The following STOX2 variants were observed in gnomAD, a reference collection of about 807,000 sequenced individuals.
STOX2 encodes storkhead-box protein 2.
STOX2 carries 28 observed loss-of-function variants against 60.9 expected under a neutral mutation model. The ratio of observed to expected loss-of-function variants is 0.46; its 90% CI spans 0.34 to 0.63. The LOEUF is 0.63. STOX2 is among the 30% of genes least tolerant of loss of function. STOX2 has a pLI of 0.01. For synonymous variants in STOX2, 472 were observed against 463.9 expected, an observed-to-expected ratio of 1.02 and a Z score of -0.22; for missense variants, 1,024 against 1,187.7, an observed-to-expected ratio of 0.86 and a Z score of 2.03.
intron 1 of STOX2, among the ~76,000 whole-genome samples, chr4:183,808,847 T>C (rs984204371): frequency 1.3e-5 from 2 of 152,154 alleles, no homozygotes; most frequent in African/African-American, 4.8e-5. Flanking sequence ...AAGAATTGTC[T>C]TGGGCTACAC....
chr4:183,937,759 A>T (rs1742627771), intron 1 of STOX2, among the ~76,000 whole-genome samples: 1 of 152,212 alleles, frequency 6.6e-6, no homozygotes, highest in African/African-American at 2.4e-5. Context: ...TCAATAGATG[A>T]TGTACCATTA....
intron 1 of STOX2, among the ~76,000 whole-genome samples, chr4:183,876,992 C>T (rs1055828312): frequency 1.3e-5 from 2 of 152,096 alleles, no homozygotes; most frequent in African/African-American, 4.8e-5. Context: ...TGTGGCCCCT[C>T]TATAGGGCCA....
Position 184,009,761 on chromosome 4 carries a change from G to T in STOX2, c.923G>T (p.Arg308Leu), listed in dbSNP as rs766946457. Reference sequence around the variant, plus strand: ...GAGGACACGCCAGCTACGATCCCTCGGGAAGTAGAGATGGAAATCATTAGG... The same window carrying T: ...GAGGACACGCCAGCTACGATCCCTCTGGAAGTAGAGATGGAAATCATTAGG... ...RDEDTPATIP[R>L]EVEMEIIRRI... The change falls in exon 3 of 4, where the codon CGG (arginine) becomes CTG (leucine). Residue 308 changes from arginine to leucine, a missense_variant. By Grantham distance (102) the Arg-to-Leu change is moderately radical. Transcript: ENST00000308497. The surrounding 1 kb of genome is among the most constrained non-coding windows in gnomAD (Gnocchi z 4.0). 1 of 1,613,298 alleles carries T rather than the reference G, an allele frequency of 6.2e-7. No homozygotes were observed. Among genetic ancestry groups the T allele is most frequent in the Admixed American group, 1.7e-5 (1 of 59,954 alleles).
intron 1 of STOX2, among the ~76,000 whole-genome samples, chr4:183,969,169 T>C (rs1407798474): frequency 2.0e-5 from 3 of 152,230 alleles, no homozygotes; most frequent in Non-Finnish European, 4.4e-5. Context: ...TCTACTAATC[T>C]GAATAGATCA....
intron 1 of STOX2, among the ~76,000 whole-genome samples, chr4:183,846,734 T>C (rs1185223997): frequency 2.0e-5 from 3 of 152,206 alleles, no homozygotes; most frequent in African/African-American, 7.2e-5. Context: ...TTTAAAATCT[T>C]TGCCTAGTAA....
intron 1 of STOX2, among the ~76,000 whole-genome samples, chr4:183,922,451 A>G (rs77533379): frequency 6.6e-6 from 1 of 151,728 alleles, no homozygotes; most frequent in Non-Finnish European, 1.5e-5. Context: ...GGTTCAAGCA[A>G]TTCTCTGCCT....
chr4:183,876,267 A>C (rs946305266), intron 1 of STOX2, among the ~76,000 whole-genome samples: 4 of 152,182 alleles, frequency 2.6e-5, no homozygotes, highest in African/African-American at 4.8e-5. Context: ...TGACTTGGCC[A>C]GGTCCCAAGC....
In STOX2 at chr4:183,926,515, G is replaced by A. The variant is rs369696823; in HGVS notation, c.166+19559G>A. Reference sequence around the variant, plus strand: ...AAGAATTTGTGGTTGAACATTACTAGCTAATTAATGGCAGAGCTAGGATTC... The same window carrying A: ...AAGAATTTGTGGTTGAACATTACTAACTAATTAATGGCAGAGCTAGGATTC... On this transcript the variant is annotated intron_variant, in intron 1 of 3. Coordinates refer to ENST00000308497, the MANE Select transcript of STOX2 (RefSeq NM_020225.3). 3.3e-5 allele frequency among the ~76,000 whole-genome samples: 5 copies of A among 152,300 alleles called. No individual in the cohort carries two copies. The East Asian group carries it at 9.6e-4, about 29-fold the overall frequency.
At chr4:183,982,582 CTTTA>C (rs1732694994) in intron 1 of STOX2, among the ~76,000 whole-genome samples, 1 of 152,122 alleles carries the variant, frequency 6.6e-6, no homozygotes, top group Admixed American at 6.5e-5. Flanking sequence ...CTCCTCTTCC[CTTTA>C]TTTCTCAGTT....
chr4:183,882,412 T>A (rs1421523226), intron 1 of STOX2, among the ~76,000 whole-genome samples: 1 of 152,218 alleles, frequency 6.6e-6, no homozygotes, highest in Non-Finnish European at 1.5e-5. Flanking sequence ...CCTTCTCATT[T>A]CCCAGTGGGT....
Position 184,011,141 on chromosome 4 carries a change from A to G in STOX2, c.2303A>G (p.Glu768Gly). 1.9e-6 allele frequency: 3 copies of G among 1,575,874 alleles called. No individual in the cohort carries two copies. Among genetic ancestry groups the G allele is most frequent in the Non-Finnish European group, 2.6e-6 (3 of 1,163,836 alleles). The change falls in exon 3 of 4, where the codon GAA (glutamate) becomes GGA (glycine). Residue 768 changes from glutamate to glycine, a missense_variant. Glu to Gly is a moderately conservative substitution (Grantham distance 98). Transcript: ENST00000308497. The surrounding 1 kb of genome is among the most constrained non-coding windows in gnomAD (Gnocchi z 4.4). ...CAGCAGGAGTCAGGAGGGAACCAGG[A>G]AGCCTCTTTTGACTATTACAACGTC... ...QRQQESGGNQ[E>G]ASFDYYNVSD...
intron 1 of STOX2, among the ~76,000 whole-genome samples, chr4:183,852,664 C>T (rs1342098334): frequency 6.6e-6 from 1 of 152,190 alleles, no homozygotes; most frequent in Non-Finnish European, 1.5e-5. Flanking sequence ...GCAGCATTCC[C>T]TTCAGCCATG....
At chr4:183,847,577 C>A (rs1740016535) in intron 1 of STOX2, among the ~76,000 whole-genome samples, 1 of 152,218 alleles carries the variant, frequency 6.6e-6, no homozygotes, top group Admixed American at 6.5e-5. Flanking sequence ...GATCTGCTCT[C>A]CTTCCAGCAC....
intron 1 of STOX2, among the ~76,000 whole-genome samples, chr4:183,835,398 G>T (rs559391090): frequency 1.3e-5 from 2 of 151,870 alleles, no homozygotes; most frequent in East Asian, 3.9e-4. Context: ...TAATTTTTTT[G>T]TATTTTTAGT....
At chr4:183,919,617 T>C (rs1394411522) in intron 1 of STOX2, among the ~76,000 whole-genome samples, 1 of 152,168 alleles carries the variant, frequency 6.6e-6, no homozygotes, top group Admixed American at 6.5e-5. Flanking sequence ...GTTATTGGGA[T>C]TGTTTTTTAA....
intron 1 of STOX2, among the ~76,000 whole-genome samples, chr4:183,993,797 C>T (rs542141281): frequency 3.3e-5 from 5 of 152,216 alleles, no homozygotes; most frequent in African/African-American, 9.6e-5. Context: ...TACAAACATT[C>T]GAAAGTCAAG....
At chr4:183,848,140 C>T (rs1740029332) in intron 1 of STOX2, among the ~76,000 whole-genome samples, 1 of 152,162 alleles carries the variant, frequency 6.6e-6, no homozygotes, top group African/African-American at 2.4e-5. Flanking sequence ...CATACTGGCC[C>T]ACACAAATAG....
At chr4:183,882,393 C>G (rs1421499806) in intron 1 of STOX2, among the ~76,000 whole-genome samples, 1 of 152,196 alleles carries the variant, frequency 6.6e-6, no homozygotes, top group Non-Finnish European at 1.5e-5. Context: ...ATTTCCCAGA[C>G]GTAAAACTCC....
intron 1 of STOX2, among the ~76,000 whole-genome samples, chr4:183,814,922 A>G (rs1049355776): frequency 1.3e-5 from 2 of 152,222 alleles, no homozygotes; most frequent in Admixed American, 6.5e-5. Context: ...TACTTTGAGT[A>G]TAAAGATTTA....
Sources: gnomAD v4.1 joint callset for allele counts (sites outside exome capture counted in the v4.1 genomes callset) on GRCh38, gnomAD v4.1.1 for gene constraint, Gnocchi (gnomAD v3.1) non-coding constraint, MANE v1.5 for transcripts, NCBI Gene and HGNC (gene_info 2026-07-23, HGNC 2026-07-21) for gene names.